The following TRHDE variants were observed in gnomAD, a reference collection of about 807,000 sequenced individuals.
TRHDE encodes the protein thyrotropin releasing hormone degrading enzyme.
TRHDE carries 72 observed loss-of-function variants against 125.7 expected under a neutral mutation model. The observed-to-expected ratio is 0.57, with a 90% CI of 0.47 to 0.70. The LOEUF (loss-of-function observed/expected upper bound fraction) is 0.70. Among genes scored for constraint, TRHDE ranks in the 30% least tolerant of loss-of-function variants. TRHDE has a pLI of 0.00. For synonymous variants in TRHDE, 509 were observed against 509.1 expected (o/e 1.00, Z 0.00); for missense variants, 1,110 against 1,327.1 (o/e 0.84, Z 2.54).
Position 72,621,693 on chromosome 12 carries a change from C to G in TRHDE, c.2617C>G (p.His873Asp), listed in dbSNP as rs777961021. The change falls in exon 15 of 19, where the codon CAC (histidine) becomes GAC (aspartate). Residue 873 changes from histidine (H) to aspartate (D), a missense_variant. Transcript: ENST00000261180. The part of the protein sequence containing the change: ...IMLACSFGNK[H>D]CHQQASTLIS... ...GCTGGCCTGCAGTTTTGGCAACAAGCACTGTCACCAACAGGCATCAACACT... is the reference window on the plus strand; with the variant it reads ...GCTGGCCTGCAGTTTTGGCAACAAGGACTGTCACCAACAGGCATCAACACT... 6.2e-7 allele frequency: 1 copy of G among 1,608,438 alleles called. No homozygotes were observed. Among genetic ancestry groups the G allele is most frequent in the East Asian group, 2.3e-5 (1 of 44,398 alleles).
chr12:72,529,751 C>T (rs1868446225), intron 6 of TRHDE, among the ~76,000 whole-genome samples: 1 of 152,202 alleles, frequency 6.6e-6, no homozygotes, highest in South Asian at 2.1e-4. Context: ...ATCCGCATTT[C>T]CCAACTCAAT....
chr12:72,117,940 G>T, intron 2 of TRHDE, among the ~76,000 whole-genome samples: 1 of 150,336 alleles, frequency 6.7e-6, no homozygotes, highest in African/African-American at 2.4e-5. Context: ...CAACTTTACT[G>T]CATTTTTTTT....
intron 6 of TRHDE, among the ~76,000 whole-genome samples, chr12:72,518,841 G>A (rs1284808122): frequency 6.6e-6 from 1 of 152,086 alleles, no homozygotes; most frequent in Non-Finnish European, 1.5e-5. Context: ...GGCAGGCCTG[G>A]TGGTGACAGA....
Position 72,343,858 on chromosome 12 carries a change from G to C in TRHDE, c.1189-34137G>C, listed in dbSNP as rs182862197. Among the ~76,000 whole-genome samples the C allele has an allele frequency of 5.4e-3, 815 of 152,038 alleles. 5 individuals carry two copies. The highest frequency in any genetic ancestry group is 0.019 in the African/African-American group (776 of 41,488). The stretch of plus-strand genomic sequence containing the variant: ...AGGGCTGGGGAACCTCTTGCTGGTT[G>C]GTGTCCTGAAATATATCATTTCTAT... On this transcript the variant is annotated intron_variant, in intron 2 of 18. Coordinates refer to ENST00000261180, the MANE Select transcript of TRHDE (RefSeq NM_013381.3).
chr12:72,375,491 CGATT>C (rs1871836609), intron 2 of TRHDE, among the ~76,000 whole-genome samples: 1 of 152,070 alleles, frequency 6.6e-6, no homozygotes, highest in African/African-American at 2.4e-5. Flanking sequence ...CTGGTAAGAT[CGATT>C]GATAGGAATG....
At chr12:72,625,357 T>A (rs1873215746) in intron 15 of TRHDE, among the ~76,000 whole-genome samples, 1 of 151,844 alleles carries the variant, frequency 6.6e-6, no homozygotes, top group African/African-American at 2.4e-5. Context: ...AATTGAAGAC[T>A]GGTATCTTCA....
chr12:72,440,504 ATTTATCTT>A (rs1874955227), intron 3 of TRHDE, among the ~76,000 whole-genome samples: 1 of 151,892 alleles, frequency 6.6e-6, no homozygotes, highest in Non-Finnish European at 1.5e-5. Context: ...CTCAAAATAT[ATTTATCTT>A]TTACATTTCA....
At chr12:72,256,906 A>C (rs1878830788) in intron 2 of TRHDE, 1 of 152,214 alleles carries the variant, frequency 6.6e-6, no homozygotes, top group African/African-American at 2.4e-5. Flanking sequence ...AATAGCACTC[A>C]TACCAGCTAT....
At chr12:72,594,603 A>AT (rs973165358) in intron 12 of TRHDE, among the ~76,000 whole-genome samples, 3 of 150,526 alleles carry the variant, frequency 2.0e-5, no homozygotes, top group African/African-American at 7.3e-5. Flanking sequence ...CCCACTTGTC[A>AT]TTTTATTCAT....
intron 3 of TRHDE, among the ~76,000 whole-genome samples, chr12:72,388,035 C>T (rs112031474): frequency 1.3e-4 from 20 of 152,214 alleles, no homozygotes; most frequent in African/African-American, 3.9e-4. Flanking sequence ...TTTACCCCCC[C>T]GGACCCTCTA....
At chr12:72,485,265 G>A (rs1877349478) in intron 5 of TRHDE, among the ~76,000 whole-genome samples, 1 of 152,170 alleles carries the variant, frequency 6.6e-6, no homozygotes, top group African/African-American at 2.4e-5. Flanking sequence ...CACTATTAGA[G>A]TGTGTCCTGC....
intron 2 of TRHDE, among the ~76,000 whole-genome samples, chr12:72,215,399 G>C (rs371217612): frequency 6.6e-6 from 1 of 152,170 alleles, no homozygotes; most frequent in Non-Finnish European, 1.5e-5. Context: ...CCATCTGGGC[G>C]TATATGTGCA....
At chr12:72,119,450 C>A (rs535575572) in intron 2 of TRHDE, among the ~76,000 whole-genome samples, 1 of 152,216 alleles carries the variant, frequency 6.6e-6, no homozygotes, top group Non-Finnish European at 1.5e-5. Context: ...TGTTTTGTGG[C>A]CTAACATATG....
chr12:72,520,243 G>A (rs1027590983), intron 6 of TRHDE, among the ~76,000 whole-genome samples: 15 of 152,282 alleles, frequency 9.9e-5, no homozygotes, highest in South Asian at 6.2e-4. Flanking sequence ...CCCCAGTCTC[G>A]CTGCTGCCTT....
rs147621550 is a variant in TRHDE, at chr12:72,500,920, C to A, written c.1722+1285C>A. Among the ~76,000 whole-genome samples the A allele has an allele frequency of 5.9e-3, 786 of 133,028 alleles. 9 individuals carry two copies. Among genetic ancestry groups the A allele is most frequent in the African/African-American group, 0.02 (717 of 36,316 alleles). 87.3% of individuals were successfully genotyped at this position (133,028 alleles called of 152,430 possible). ...ATGAGTTTAAGAATGAGTTTGTAAA[C>A]TCCTACAAAGATTATACTGGAATTG... is the stretch of plus-strand genomic sequence containing the variant. On this transcript the variant is annotated intron_variant, in intron 6 of 18. Transcript: ENST00000261180.
At chr12:72,104,174 A>G (rs1234589157) in intron 1 of TRHDE, among the ~76,000 whole-genome samples, 1 of 152,104 alleles carries the variant, frequency 6.6e-6, no homozygotes, top group Admixed American at 6.6e-5. Context: ...AAATTTTATT[A>G]TTTACTCTTA....
chr12:72,617,811 C>T (rs1183159975), intron 12 of TRHDE, among the ~76,000 whole-genome samples: 1 of 152,124 alleles, frequency 6.6e-6, no homozygotes, highest in Non-Finnish European at 1.5e-5. Flanking sequence ...AAAGCAGAGT[C>T]AAGAAGATGC....
intron 7 of TRHDE, among the ~76,000 whole-genome samples, chr12:72,559,727 T>C (rs1870087944): frequency 6.6e-6 from 1 of 152,198 alleles, no homozygotes; most frequent in Non-Finnish European, 1.5e-5. Flanking sequence ...TAGATTTCCA[T>C]TTCAGATTTA....
chr12:72,471,167 C>T (rs1377053042), intron 4 of TRHDE, among the ~76,000 whole-genome samples: 3 of 152,012 alleles, frequency 2.0e-5, no homozygotes, highest in Admixed American at 6.6e-5. Context: ...CGTGAGCCAC[C>T]GTGCCCAGCC....
Sources: gnomAD v4.1 joint callset for allele counts (sites outside exome capture counted in the v4.1 genomes callset) on GRCh38, gnomAD v4.1.1 for gene constraint, MANE v1.5 for transcripts, NCBI Gene and HGNC (gene_info 2026-07-23, HGNC 2026-07-21) for gene names.